Variants in RRP15 observed in about 807,000 individuals in gnomAD.
RRP15 encodes ribosomal RNA processing 15 homolog, also known as RRP15-like protein.
Under a neutral mutation model 27.1 loss-of-function variants are expected in RRP15, and 18 were observed. The ratio of observed to expected loss-of-function variants is 0.66; its 90% CI spans 0.46 to 0.98. The LOEUF is 0.98. Among genes scored for constraint, RRP15 ranks in the 50% least tolerant of loss-of-function variants. The pLI is 0.00. For missense variants in RRP15, 359 were observed against 337.8 expected, an observed-to-expected ratio of 1.06 and a Z score of -0.49; for synonymous variants, 107 against 109.4, an observed-to-expected ratio of 0.98 and a Z score of 0.14.
intron 1 of RRP15, among the ~76,000 whole-genome samples, chr1:218,293,892 A>G (rs191498949): frequency 5.3e-4 from 81 of 152,270 alleles, no homozygotes; most frequent in Non-Finnish European, 7.1e-4. Context: ...TATTCACTGA[A>G]TAAATTGGAA....
chr1:218,288,147 A>G (rs1257370535), intron 1 of RRP15, among the ~76,000 whole-genome samples: 1 of 152,238 alleles, frequency 6.6e-6, no homozygotes, highest in African/African-American at 2.4e-5. Flanking sequence ...AGATGGTGAC[A>G]GTTGTTTATA....
At chr1:218,330,730 T>C (rs550099999) in intron 4 of RRP15, among the ~76,000 whole-genome samples, 1 of 152,294 alleles carries the variant, frequency 6.6e-6, no homozygotes, top group Admixed American at 6.5e-5. Context: ...ATGGAGTCCA[T>C]ACAATATTTT....
Position 218,298,753 on chromosome 1 carries a change from G to T in RRP15, c.140-3541G>T, listed in dbSNP as rs1655761637. On this transcript the variant is annotated intron_variant, in intron 1 of 4. Coordinates refer to ENST00000366932, the MANE Select transcript of RRP15 (RefSeq NM_016052.4). ...GGTAATTAAAGAAAATAAAAATTCA[G>T]TTCTTCAGTTGTGCTAGCCACATTT... is the stretch of plus-strand genomic sequence containing the variant. 3.3e-5 allele frequency among the ~76,000 whole-genome samples: 5 copies of T among 152,272 alleles called. No individual in the cohort carries two copies. The South Asian group carries it at 1.0e-3, about 32-fold the overall frequency.
At chr1:218,299,797 CA>C (rs1352577476) in intron 1 of RRP15, among the ~76,000 whole-genome samples, 4 of 152,116 alleles carry the variant, frequency 2.6e-5, no homozygotes, top group African/African-American at 9.7e-5. Flanking sequence ...AAGAGTAAAA[CA>C]TATACAGTAT....
Position 218,292,365 on chromosome 1 carries a change from C to T in RRP15, c.139+6910C>T, listed in dbSNP as rs540922187. On this transcript the variant is annotated intron_variant, in intron 1 of 4. Transcript: ENST00000366932. ...TTGTGCTTAGGGACACTGCACAACC[C>T]GTCAGCATTATGCTTGTGGGCCATT... 3.9e-5 allele frequency among the ~76,000 whole-genome samples: 6 copies of T among 152,280 alleles called. No homozygotes were observed. In the East Asian group the frequency reaches 7.7e-4, roughly 20 times the overall value.
At chr1:218,300,303 T>A (rs924573497) in intron 1 of RRP15, among the ~76,000 whole-genome samples, 2 of 151,922 alleles carry the variant, frequency 1.3e-5, no homozygotes, top group Non-Finnish European at 2.9e-5. Flanking sequence ...AATGTTCAGT[T>A]AGTTTTTTGA....
chr1:218,309,935 C>T (rs572328221), intron 4 of RRP15, among the ~76,000 whole-genome samples: 14 of 152,112 alleles, frequency 9.2e-5, no homozygotes, highest in South Asian at 2.1e-4. Context: ...TTCAGAGTAA[C>T]GGTGTACTAT....
At chr1:218,314,013 TG>T (rs1263544271) in intron 4 of RRP15, among the ~76,000 whole-genome samples, 32 of 151,458 alleles carry the variant, frequency 2.1e-4, no homozygotes, top group African/African-American at 7.3e-4. Context: ...TTTTATTTTA[TG>T]TTTTGTTATT....
Position 218,331,170 on chromosome 1 carries a change from A to G in RRP15, c.*79A>G. On this transcript the variant is annotated 3_prime_UTR_variant, in exon 5 of 5. Transcript: ENST00000366932. ...CATCCTCTGATAGTTGGGGAATTAT[A>G]AGGATACCATTTGTAAGAAAGCCAA... 7.3e-7 allele frequency: 1 copy of G among 1,362,812 alleles called. No individual in the cohort carries two copies. The allele number at this position is 1,362,812 out of a possible 1,614,324, so 84.4% of individuals were successfully genotyped here.
At position 218,312,110 on chromosome 1, in the gene RRP15, T is replaced by C. The variant is rs1186275549; in HGVS notation, c.705+4478T>C. On this transcript the variant is annotated intron_variant, in intron 4 of 4. Transcript: ENST00000366932. ...AGAGGGAGTGAGGCTTTGCCAGATA[T>C]GGGCATCGGGCCTCCACAACTGTGA... Among the ~76,000 whole-genome samples, 3 of 152,214 alleles carry C rather than the reference T, an allele frequency of 2.0e-5. No homozygotes were observed. In the East Asian group the frequency reaches 5.8e-4, roughly 29 times the overall value.
intron 1 of RRP15, among the ~76,000 whole-genome samples, chr1:218,297,132 A>T (rs1655730135): frequency 6.6e-6 from 1 of 152,230 alleles, no homozygotes. Flanking sequence ...AAACTGAGAC[A>T]CAGAAGGGTT....
intron 1 of RRP15, among the ~76,000 whole-genome samples, chr1:218,294,681 T>G (rs1655694303): frequency 6.6e-6 from 1 of 152,056 alleles, no homozygotes; most frequent in Non-Finnish European, 1.5e-5. Flanking sequence ...GAGACTTCAT[T>G]ACATAAGCAT....
At chr1:218,328,610 C>T (rs1020377873) in intron 4 of RRP15, among the ~76,000 whole-genome samples, 1 of 152,078 alleles carries the variant, frequency 6.6e-6, no homozygotes, top group African/African-American at 2.4e-5. Flanking sequence ...TTGCAGTGAG[C>T]CGAGATTGCG....
In RRP15 at chr1:218,290,158, A is replaced by T. The variant is rs202104928; in HGVS notation, c.139+4703A>T. ...TCTGTAATAGACAGGTGTTTTTTTTAAAAAAAATCAATGAAAAAGAGTAAC... is the reference window on the plus strand; with the variant it reads ...TCTGTAATAGACAGGTGTTTTTTTTTAAAAAAATCAATGAAAAAGAGTAAC... On this transcript the variant is annotated intron_variant, in intron 1 of 4. Transcript: ENST00000366932. 1.6e-3 allele frequency among the ~76,000 whole-genome samples: 239 copies of T among 152,076 alleles called. 1 individual carries two copies. Among genetic ancestry groups the T allele is most frequent in the East Asian group, 8.9e-3 (46 of 5,170 alleles).
chr1:218,286,065 C>A (rs759887083), intron 1 of RRP15, among the ~76,000 whole-genome samples: 3 of 152,166 alleles, frequency 2.0e-5, no homozygotes, highest in Non-Finnish European at 4.4e-5. Context: ...TTCTTGGCAC[C>A]AGCTTATTAG....
chr1:218,295,256 G>T (rs959930757), intron 1 of RRP15, among the ~76,000 whole-genome samples: 5 of 152,150 alleles, frequency 3.3e-5, no homozygotes, highest in Admixed American at 2.6e-4. Flanking sequence ...CAGATTTATG[G>T]AAGTTAAGAT....
chr1:218,313,886 G>A (rs1023408640), intron 4 of RRP15, among the ~76,000 whole-genome samples: 1 of 152,078 alleles, frequency 6.6e-6, no homozygotes, highest in African/African-American at 2.4e-5. Context: ...GTAATTCTTC[G>A]ATCAAATACA....
chr1:218,323,790 G>T (rs893993731), intron 4 of RRP15, among the ~76,000 whole-genome samples: 1 of 152,176 alleles, frequency 6.6e-6, no homozygotes, highest in Non-Finnish European at 1.5e-5. Flanking sequence ...GCATGTCAGC[G>T]CTGCCCCCAG....
At chr1:218,311,873 A>C (rs1656000492) in intron 4 of RRP15, among the ~76,000 whole-genome samples, 1 of 152,208 alleles carries the variant, frequency 6.6e-6, no homozygotes, top group Admixed American at 6.5e-5. Flanking sequence ...TGATCTTGAG[A>C]TGAAGGAGGT....
Sources: allele counts gnomAD v4.1 joint callset (sites outside exome capture counted in the v4.1 genomes callset), GRCh38; gene constraint gnomAD v4.1.1; transcripts MANE v1.5; gene names NCBI Gene and HGNC (gene_info 2026-07-23, HGNC 2026-07-21).